The following DST variants were observed in gnomAD, a reference collection of about 807,000 sequenced individuals.
The protein encoded by DST is dystonin.
DST carries 253 observed loss-of-function variants against 875.2 expected under a neutral mutation model. The ratio of observed to expected loss-of-function variants is 0.29; its 90% CI spans 0.26 to 0.32. The LOEUF (loss-of-function observed/expected upper bound fraction) is 0.32, where lower values mean the gene tolerates loss of function less well. DST is among the 10% of genes least tolerant of loss of function. The pLI is 1.00. For missense variants in DST, 8,287 were observed against 9,111.6 expected (o/e 0.91, Z 3.68); for synonymous variants, 3,124 against 3,197.1 (o/e 0.98, Z 0.77).
intron 10 of DST, among the ~76,000 whole-genome samples, chr6:56,663,288 G>C (rs536712226): frequency 2.6e-5 from 4 of 152,168 alleles, no homozygotes; most frequent in African/African-American, 9.7e-5. Flanking sequence ...ATCCATTTCT[G>C]TTCTCAAAGT....
chr6:56,779,141 T>A (rs1305863928), intron 4 of DST, among the ~76,000 whole-genome samples: 1 of 152,128 alleles, frequency 6.6e-6, no homozygotes, highest in Non-Finnish European at 1.5e-5. Context: ...CCAGTGATGA[T>A]GAGCATTTTT....
intron 68 of DST, among the ~76,000 whole-genome samples, chr6:56,527,071 A>T (rs1293967388): frequency 2.6e-5 from 4 of 152,208 alleles, no homozygotes; most frequent in Admixed American, 2.0e-4. Flanking sequence ...GGATGATAAA[A>T]ACAGAGGCTG....
intron 4 of DST, chr6:56,843,040 G>A (rs746328065): frequency 3.2e-4 from 458 of 1,449,942 alleles, no homozygotes; most frequent in Non-Finnish European, 3.9e-4. Context: ...CAGCCCCAGG[G>A]CAGGGACCAC....
At chr6:56,611,418 T>C (rs1424859789) in intron 38 of DST, 90 bp downstream of exon 38, 1 of 806,600 alleles carries the variant, frequency 1.2e-6, no homozygotes, top group Admixed American at 2.2e-5. Context: ...TATTTAACAT[T>C]GCAATTAAAA....
In DST at chr6:56,634,380, C is replaced by A. The variant is rs1021432716; in HGVS notation, c.3494+82G>T. 13 of 1,606,056 alleles carry A rather than the reference C, an allele frequency of 8.1e-6. No homozygotes were observed. In the African/African-American group the frequency reaches 1.5e-4, roughly 18 times the overall value. ...TCTAGAGACTTTTGATCCTGTGGGG[C>A]CTTGACAAAGTATTGATTGTTCCTT... On this transcript the variant is annotated intron_variant, in intron 26 of 103. Transcript: ENST00000680361.
chr6:56,787,772 T>C (rs1339966731), intron 4 of DST, among the ~76,000 whole-genome samples: 1 of 152,202 alleles, frequency 6.6e-6, no homozygotes, highest in East Asian at 1.9e-4. Flanking sequence ...ATGAAAGTAC[T>C]ATAATGTTAA....
intron 24 of DST, 39 bp from the exon 25 acceptor site, chr6:56,634,992 CTT>C: frequency 6.5e-7 from 1 of 1,527,100 alleles, no homozygotes; most frequent in Non-Finnish European, 9.1e-7. Context: ...AAGTAAAAGA[CTT>C]GTACTCTCCA....
Position 56,459,012 on chromosome 6 carries a change from T to G in DST, c.23450A>C (p.Lys7817Thr). 2 of 1,610,448 alleles carry G rather than the reference T, an allele frequency of 1.2e-6. No homozygotes were observed. The highest frequency in any genetic ancestry group is 4.5e-5 in the East Asian group (2 of 44,822). ...SPASKLDKSSKR is the reference protein window; with the variant it reads ...SPASKLDKSSTR Reference sequence around the variant, plus strand: ...TTGGTAGAACCAATTGCACTATCTCTTTGAGGACTTGTCCAATTTGCTGGC... The same window carrying G: ...TTGGTAGAACCAATTGCACTATCTCGTTGAGGACTTGTCCAATTTGCTGGC... Residue 7817 changes from lysine (K) to threonine (T), a missense_variant, in exon 104 of 104, where the codon AAG becomes ACG. By Grantham distance (78) the Lys-to-Thr change is moderately conservative. Around this residue, in one of 10 missense-constraint regions of DST, gnomAD observed 240 missense variants for 237.3 expected, o/e 1.01. Coordinates refer to ENST00000680361, the MANE Select transcript of DST (RefSeq NM_001374736.1).
chr6:56,666,495 G>A (rs1465386961), intron 10 of DST, among the ~76,000 whole-genome samples: 2 of 151,930 alleles, frequency 1.3e-5, no homozygotes, highest in Non-Finnish European at 2.9e-5. Context: ...ATGCAAATTT[G>A]CTACATAGGG....
chr6:56,465,999 T>G (rs2094562465), intron 99 of DST, 79 bp downstream of exon 99: 2 of 1,164,286 alleles, frequency 1.7e-6, no homozygotes, highest in Non-Finnish European at 2.5e-6. Context: ...ACCAAAATTA[T>G]GCCCAGTATG....
At chr6:56,783,848 T>C (rs2099699531) in intron 4 of DST, among the ~76,000 whole-genome samples, 1 of 152,254 alleles carries the variant, frequency 6.6e-6, no homozygotes, top group Non-Finnish European at 1.5e-5. Context: ...GGCTTGATTT[T>C]GCAGCGGCTG....
chr6:56,583,657 A>G (rs1187124443), intron 49 of DST, among the ~76,000 whole-genome samples: 2 of 152,222 alleles, frequency 1.3e-5, no homozygotes, highest in Non-Finnish European at 2.9e-5. Context: ...TGCTTTAGAC[A>G]TGAAGTCCTT....
At chr6:56,842,758 C>T (rs536506169) in intron 4 of DST, among the ~76,000 whole-genome samples, 14 of 152,256 alleles carry the variant, frequency 9.2e-5, no homozygotes, top group African/African-American at 2.9e-4. Flanking sequence ...ATTATGATTA[C>T]GCGTAGTGCT....
chr6:56,713,320 T>C (rs1332580445), intron 5 of DST, among the ~76,000 whole-genome samples: 1 of 152,222 alleles, frequency 6.6e-6, no homozygotes, highest in Non-Finnish European at 1.5e-5. Context: ...GCAACTACCC[T>C]GAATACTTCT....
chr6:56,877,903 A>C (rs1289996456), intron 3 of DST, among the ~76,000 whole-genome samples: 3 of 152,226 alleles, frequency 2.0e-5, no homozygotes, highest in Non-Finnish European at 4.4e-5. Context: ...TGGAAGTACA[A>C]CTGGTCAACA....
intron 4 of DST, among the ~76,000 whole-genome samples, chr6:56,778,115 T>C (rs969850625): frequency 4.6e-5 from 7 of 152,228 alleles, no homozygotes; most frequent in Non-Finnish European, 8.8e-5. Context: ...AGCACAAAAA[T>C]TGAGTAAATC....
rs779679942 is a variant in DST at position 56,639,379 on chromosome 6, A to T, written c.2860-16T>A. 3.1e-6 allele frequency: 5 copies of T among 1,612,486 alleles called. No individual in the cohort carries two copies. The South Asian group carries it at 5.5e-5, about 18-fold the overall frequency. On this transcript the variant is annotated splice_polypyrimidine_tract_variant and intron_variant, in intron 21 of 103. Coordinates refer to ENST00000680361, the MANE Select transcript of DST (RefSeq NM_001374736.1). ...TCATTAATTCCTTCAAGAAATAATTAAGAAGTGTGTTAGAAAAATATATAA... is the reference window on the plus strand; with the variant it reads ...TCATTAATTCCTTCAAGAAATAATTTAGAAGTGTGTTAGAAAAATATATAA...
rs749410911 is a variant in DST at position 56,603,306 on chromosome 6, A to G, written c.11056T>C (p.Leu3686=). ...TTCAAACTCTGGTGGCTAATACTCA[A>G]TTCTTCAACATGGCCTCTGGGAAAG... ...SDFPRGHVEE[L]SISHQSLKTA... Residue 3686 remains leucine, a synonymous_variant, in exon 42 of 104, where the codon TTG becomes CTG. Coordinates refer to ENST00000680361, the MANE Select transcript of DST (RefSeq NM_001374736.1). 25 of 1,610,994 alleles carry G rather than the reference A, an allele frequency of 1.6e-5. No individual in the cohort carries two copies. The African/African-American group carries it at 2.5e-4, about 16-fold the overall frequency.
intron 98 of DST, among the ~76,000 whole-genome samples, chr6:56,468,157 A>G (rs1038512829): frequency 1.6e-4 from 21 of 133,104 alleles, no homozygotes; most frequent in Non-Finnish European, 2.2e-4. Flanking sequence ...TTCTTTCCAA[A>G]GTAAAATAAA....
Sources: gnomAD v4.1 joint callset for allele counts (sites outside exome capture counted in the v4.1 genomes callset) on GRCh38, gnomAD v4.1.1 for gene constraint, gnomAD v4.1.1 regional missense constraint, MANE v1.5 for transcripts, NCBI Gene and HGNC (gene_info 2026-07-23, HGNC 2026-07-21) for gene names.